Variants in PLCB1 observed in about 807,000 individuals in gnomAD.
PLCB1 encodes the protein phospholipase C beta 1, also known as 1-phosphatidylinositol 4,5-bisphosphate phosphodiesterase beta-1.
Under a neutral mutation model 161.8 loss-of-function variants are expected in PLCB1, and 46 were observed. That is an observed-to-expected ratio of 0.28 (90% CI 0.22 to 0.36). The LOEUF is 0.36. Among genes scored for constraint, PLCB1 ranks in the 10% least tolerant of loss-of-function variants. The pLI is 1.00. For missense variants in PLCB1, 1,016 were observed against 1,472.5 expected (o/e 0.69, Z 5.07); for synonymous variants, 517 against 503.7 (o/e 1.03, Z -0.35).
intron 2 of PLCB1, among the ~76,000 whole-genome samples, chr20:8,197,642 G>A (rs182389280): frequency 1.3e-5 from 2 of 152,214 alleles, no homozygotes; most frequent in Non-Finnish European, 2.9e-5. Context: ...TTCTTTTGCT[G>A]TGCAGAAACT....
At chr20:8,790,868 A>G (rs1429079392) in intron 31 of PLCB1, among the ~76,000 whole-genome samples, 6 of 152,178 alleles carry the variant, frequency 3.9e-5, no homozygotes, top group Admixed American at 3.3e-4. Flanking sequence ...CTTTGAGGTT[A>G]CCAAATGGCA....
chr20:8,455,269 G>C (rs1259910253), intron 3 of PLCB1, among the ~76,000 whole-genome samples: 1 of 145,992 alleles, frequency 6.8e-6, no homozygotes, highest in African/African-American at 2.5e-5. Flanking sequence ...TGGAGGTTGC[G>C]ATGAGCCGAG....
At chr20:8,473,935 C>G (rs1004907699) in intron 3 of PLCB1, among the ~76,000 whole-genome samples, 5 of 152,266 alleles carry the variant, frequency 3.3e-5, no homozygotes, top group East Asian at 3.9e-4. Context: ...AAGAAGTGAT[C>G]ACATGCTCCA....
intron 2 of PLCB1, among the ~76,000 whole-genome samples, chr20:8,296,334 TC>T (rs2123311372): frequency 6.6e-6 from 1 of 152,286 alleles, no homozygotes; most frequent in South Asian, 2.1e-4. Flanking sequence ...CAGTGTTCTT[TC>T]AGGAATCATA....
chr20:8,707,913 C>T (rs1600265599), intron 11 of PLCB1, among the ~76,000 whole-genome samples: 2 of 151,926 alleles, frequency 1.3e-5, no homozygotes, highest in Non-Finnish European at 2.9e-5. Context: ...GAAAGGTGGT[C>T]GGCACAAACA....
At chr20:8,813,249 A>C (rs778091061) in intron 31 of PLCB1, among the ~76,000 whole-genome samples, 1 of 152,072 alleles carries the variant, frequency 6.6e-6, no homozygotes, top group Non-Finnish European at 1.5e-5. Flanking sequence ...TACCAAGTCT[A>C]CTCACTCGCG....
intron 3 of PLCB1, among the ~76,000 whole-genome samples, chr20:8,601,106 C>T (rs957310538): frequency 2.6e-5 from 4 of 152,244 alleles, no homozygotes; most frequent in South Asian, 4.1e-4. Flanking sequence ...TGTTCCTATT[C>T]GGCCATCTTG....
At chr20:8,806,695 A>G (rs1411864489) in intron 31 of PLCB1, among the ~76,000 whole-genome samples, 2 of 152,156 alleles carry the variant, frequency 1.3e-5, no homozygotes, top group African/African-American at 4.8e-5. Flanking sequence ...GGGCTTTGCA[A>G]CGGGTCTGCT....
rs377513139 is a variant in PLCB1 at position 8,504,810 on chromosome 20, A to G, written c.247-123484A>G. Among the ~76,000 whole-genome samples, 334 of 152,328 alleles carry G rather than the reference A, an allele frequency of 2.2e-3. 12 individuals are homozygous for G. The South Asian group carries it at 0.064, about 29-fold the overall frequency. On this transcript the variant is annotated intron_variant, in intron 3 of 31. Coordinates refer to ENST00000338037, the MANE Select transcript of PLCB1 (RefSeq NM_015192.4). ...AAATGTCTAATATTACCAATGTGGC[A>G]TTAATAAATGGACAGTCGTGCTCTT...
intron 27 of PLCB1, among the ~76,000 whole-genome samples, chr20:8,788,075 G>A (rs1318662908): frequency 6.6e-6 from 1 of 152,194 alleles, no homozygotes; most frequent in Non-Finnish European, 1.5e-5. Context: ...CTGAGAAAAT[G>A]TAGGTTCTGA....
intron 3 of PLCB1, among the ~76,000 whole-genome samples, chr20:8,419,537 G>A (rs534669583): frequency 6.6e-6 from 1 of 152,158 alleles, no homozygotes; most frequent in South Asian, 2.1e-4. Context: ...AATAAGTTGC[G>A]AGAGATATTC....
At chr20:8,653,952 G>A (rs1406037930) in intron 7 of PLCB1, among the ~76,000 whole-genome samples, 2 of 151,992 alleles carry the variant, frequency 1.3e-5, no homozygotes, top group African/African-American at 2.4e-5. Context: ...TAGAGTTGAT[G>A]GGATTACATG....
chr20:8,198,510 A>C (rs775212989), intron 2 of PLCB1, among the ~76,000 whole-genome samples: 1 of 152,132 alleles, frequency 6.6e-6, no homozygotes, highest in Non-Finnish European at 1.5e-5. Flanking sequence ...AATCTTACCT[A>C]GTATCTTCTT....
intron 1 of PLCB1, among the ~76,000 whole-genome samples, chr20:8,140,531 C>T (rs1026537473): frequency 5.9e-5 from 9 of 152,152 alleles, no homozygotes; most frequent in African/African-American, 2.2e-4. Flanking sequence ...GGCATTCATG[C>T]TTATATAGCA....
At chr20:8,220,035 A>G (rs2123161229) in intron 2 of PLCB1, among the ~76,000 whole-genome samples, 1 of 152,284 alleles carries the variant, frequency 6.6e-6, no homozygotes, top group Middle Eastern at 3.4e-3. Flanking sequence ...TGATAAATGA[A>G]TGAGCCCTTA....
chr20:8,413,948 C>T (rs1035832229), intron 3 of PLCB1, among the ~76,000 whole-genome samples: 10 of 152,152 alleles, frequency 6.6e-5, no homozygotes, highest in Non-Finnish European at 1.5e-4. Context: ...TCAGGCATAT[C>T]TTTATTTTCC....
intron 23 of PLCB1, among the ~76,000 whole-genome samples, chr20:8,755,140 G>A (rs570088467): frequency 6.3e-4 from 96 of 152,296 alleles, no homozygotes; most frequent in African/African-American, 2.2e-3. Flanking sequence ...GTAGGGTGTA[G>A]TAAACAAGCA....
chr20:8,560,585 C>T (rs1986110354), intron 3 of PLCB1, among the ~76,000 whole-genome samples: 2 of 152,060 alleles, frequency 1.3e-5, no homozygotes, highest in East Asian at 1.9e-4. Flanking sequence ...GAAAGTTTAA[C>T]CAGAGCTGAA....
chr20:8,658,231 G>A (rs565814977), intron 8 of PLCB1, among the ~76,000 whole-genome samples: 1 of 152,260 alleles, frequency 6.6e-6, no homozygotes, highest in African/African-American at 2.4e-5. Flanking sequence ...AAAAACCTCT[G>A]TGTTCGGTTT....
Sources: allele counts gnomAD v4.1 joint callset (sites outside exome capture counted in the v4.1 genomes callset), GRCh38; gene constraint gnomAD v4.1.1; transcripts MANE v1.5; gene names NCBI Gene and HGNC (gene_info 2026-07-23, HGNC 2026-07-21).